The following GALNT11 variants were observed in gnomAD, a reference collection of about 807,000 sequenced individuals.
GALNT11 encodes UDP-GalNAc:polypeptide N-acetylgalactosaminyltransferase 11.
GALNT11 carries 47 observed loss-of-function variants against 72.7 expected under a neutral mutation model. The observed-to-expected ratio is 0.65, with a 90% CI of 0.51 to 0.82. The LOEUF is 0.82. Among genes scored for constraint, GALNT11 ranks in the 40% least tolerant of loss-of-function variants. The pLI is 0.00. For synonymous variants in GALNT11, 270 were observed against 286.6 expected, an observed-to-expected ratio of 0.94 and a Z score of 0.58; for missense variants, 677 against 778.4, an observed-to-expected ratio of 0.87 and a Z score of 1.55.
Position 152,108,130 on chromosome 7 carries a change from G to A in GALNT11, c.805G>A (p.Val269Met), listed in dbSNP as rs143761621. ...LAAIREDRHT[V>M]VCPVIDIISA... ...CGCCATCCGTGAGGACCGGCACACC[G>A]TGGTGTGCCCAGTGATTGACATCAT... Residue 269 changes from valine (V) to methionine (M), a missense_variant, in exon 6 of 12, where the codon GTG becomes ATG. Physicochemically the swap from Val to Met is conservative, Grantham distance 21. Transcript: ENST00000430044. 107 of 1,613,972 alleles carry A rather than the reference G, an allele frequency of 6.6e-5. No homozygotes were observed. Among genetic ancestry groups the A allele is most frequent in the Middle Eastern group, 1.7e-4 (1 of 6,060 alleles).
chr7:152,060,221 G>A (rs981496295), intron 1 of GALNT11, among the ~76,000 whole-genome samples: 1 of 152,188 alleles, frequency 6.6e-6, no homozygotes, highest in East Asian at 1.9e-4. Flanking sequence ...GAGAATTAGG[G>A]ACTTGCCCTA....
At chr7:152,072,913 G>A (rs185573138) in intron 1 of GALNT11, among the ~76,000 whole-genome samples, 28 of 152,308 alleles carry the variant, frequency 1.8e-4, no homozygotes, top group Admixed American at 9.2e-4. Flanking sequence ...GCCTTGCTAA[G>A]GAAACTTTTT....
At chr7:152,107,786 T>G (rs543102332) in intron 5 of GALNT11, 1 of 337,414 alleles carries the variant, frequency 3.0e-6, no homozygotes, top group African/African-American at 2.0e-5. Context: ...CCTGTCAGTT[T>G]TTTCAAGAGT....
chr7:152,029,658 C>G (rs2082210116), intron 1 of GALNT11, among the ~76,000 whole-genome samples: 1 of 152,224 alleles, frequency 6.6e-6, no homozygotes, highest in South Asian at 2.1e-4. Flanking sequence ...GTGCAAACAG[C>G]TCGCACATTT....
At chr7:152,041,858 T>C (rs933470619) in intron 1 of GALNT11, among the ~76,000 whole-genome samples, 1 of 152,174 alleles carries the variant, frequency 6.6e-6, no homozygotes, top group Admixed American at 6.5e-5. Flanking sequence ...TGTGGCACAA[T>C]GGTAGTGTCA....
At chr7:152,073,204 G>T (rs898960352) in intron 1 of GALNT11, among the ~76,000 whole-genome samples, 8 of 152,224 alleles carry the variant, frequency 5.3e-5, no homozygotes, top group Admixed American at 1.3e-4. Context: ...ATATGTTATT[G>T]TTAACTATAG....
At chr7:152,112,982 A>G (rs2088409038) in intron 7 of GALNT11, among the ~76,000 whole-genome samples, 1 of 152,238 alleles carries the variant, frequency 6.6e-6, no homozygotes, top group South Asian at 2.1e-4. Context: ...AAAGTTGGGT[A>G]AGTGCAATTT....
At chr7:152,118,628 G>A in intron 9 of GALNT11, 50 bp from the exon 10 acceptor site, 1 of 1,545,042 alleles carries the variant, frequency 6.5e-7, no homozygotes, top group Non-Finnish European at 8.8e-7. Flanking sequence ...AGGCTTGGGA[G>A]GCGTCTCTGG....
At chr7:152,067,841 A>G (rs6952364) in intron 1 of GALNT11, among the ~76,000 whole-genome samples, 4,334 of 152,254 alleles carry the variant, frequency 0.028, 201 homozygotes, top group African/African-American at 0.098. Context: ...CTTTACGGGA[A>G]GCATGGTGCT....
At chr7:152,030,696 CTT>C (rs2082267602) in intron 1 of GALNT11, among the ~76,000 whole-genome samples, 1 of 152,106 alleles carries the variant, frequency 6.6e-6, no homozygotes, top group Non-Finnish European at 1.5e-5. Flanking sequence ...TCCTCTCTCT[CTT>C]TGCCTTTCTA....
rs1027346426 is a variant in GALNT11 at position 152,094,895 on chromosome 7, A to G, written c.295+373A>G. 1.3e-5 allele frequency among the ~76,000 whole-genome samples: 2 copies of G among 152,164 alleles called. No homozygotes were observed. Among genetic ancestry groups the G allele is most frequent in the African/African-American group, 4.8e-5 (2 of 41,444 alleles). On this transcript the variant is annotated intron_variant, in intron 2 of 11. Transcript: ENST00000430044. The surrounding 1 kb of genome is among the most constrained non-coding windows in gnomAD (Gnocchi z 4.3). ...GGGCTCAAGCTGCCCTCCCACCTCAACCTTGAGAGTAGCTGGGACTATAGG... is the reference window on the plus strand; with the variant it reads ...GGGCTCAAGCTGCCCTCCCACCTCAGCCTTGAGAGTAGCTGGGACTATAGG...
chr7:152,085,956 C>T (rs545006257), intron 1 of GALNT11, among the ~76,000 whole-genome samples: 20 of 151,170 alleles, frequency 1.3e-4, no homozygotes, highest in African/African-American at 9.7e-5. Context: ...AGTGCAACCT[C>T]GGCTCACTGC....
intron 1 of GALNT11, among the ~76,000 whole-genome samples, chr7:152,060,575 A>C (rs1208775191): frequency 6.6e-6 from 1 of 151,792 alleles, no homozygotes; most frequent in Non-Finnish European, 1.5e-5. Flanking sequence ...TGCTGCACTC[A>C]TTAACTCGTC....
chr7:152,069,997 C>CTTTTTTTTTTT (rs879494057), intron 1 of GALNT11, among the ~76,000 whole-genome samples: 1 of 143,438 alleles, frequency 7.0e-6, no homozygotes, highest in Non-Finnish European at 1.5e-5. Context: ...TTTTCTTTTT[C>CTTTTTTTTTTT]TTTTTCTTTT....
At chr7:152,073,697 A>G (rs1161206477) in intron 1 of GALNT11, among the ~76,000 whole-genome samples, 1 of 152,126 alleles carries the variant, frequency 6.6e-6, no homozygotes, top group Non-Finnish European at 1.5e-5. Context: ...TGCTATTTGT[A>G]GATTTTGAGG....
chr7:152,121,104 A>T, intron 11 of GALNT11, 136 bp downstream of exon 11: 1 of 972,202 alleles, frequency 1.0e-6, no homozygotes, highest in Non-Finnish European at 1.5e-6. Flanking sequence ...CCCAGAAACC[A>T]CAGGTAGTAC....
At chr7:152,096,669 C>T (rs1006566018) in intron 2 of GALNT11, among the ~76,000 whole-genome samples, 4 of 148,538 alleles carry the variant, frequency 2.7e-5, no homozygotes, top group Admixed American at 1.4e-4. Context: ...GAGTCAAGAT[C>T]GCGCCATTGT....
At chr7:152,033,105 A>T (rs974324763) in intron 1 of GALNT11, among the ~76,000 whole-genome samples, 1 of 152,150 alleles carries the variant, frequency 6.6e-6, no homozygotes, top group African/African-American at 2.4e-5. Context: ...TGCCCGAGGC[A>T]CCCTCAAGTC....
chr7:152,040,162 G>C (rs2082785588), intron 1 of GALNT11, among the ~76,000 whole-genome samples: 1 of 151,764 alleles, frequency 6.6e-6, no homozygotes, highest in East Asian at 2.0e-4. Context: ...ATAGAAGCTG[G>C]AATGCCCACC....
Sources: gnomAD v4.1 joint callset for allele counts (sites outside exome capture counted in the v4.1 genomes callset) on GRCh38, gnomAD v4.1.1 for gene constraint, Gnocchi (gnomAD v3.1) non-coding constraint, MANE v1.5 for transcripts, NCBI Gene and HGNC (gene_info 2026-07-23, HGNC 2026-07-21) for gene names.